The following SSX2IP variants were observed in gnomAD, a reference collection of about 807,000 sequenced individuals.
SSX2IP encodes SSX family member 2 interacting protein, also known as afadin- and alpha-actinin-binding protein.
Under a neutral mutation model 84.9 loss-of-function variants are expected in SSX2IP, and 55 were observed. That is an observed-to-expected ratio of 0.65 (90% CI 0.52 to 0.81). The LOEUF is 0.81. Among genes scored for constraint, SSX2IP ranks in the 30% least tolerant of loss-of-function variants. The pLI is 0.00. For synonymous variants in SSX2IP, 239 were observed against 234.7 expected, an observed-to-expected ratio of 1.02 and a Z score of -0.17; for missense variants, 664 against 705.2, an observed-to-expected ratio of 0.94 and a Z score of 0.66.
intron 1 of SSX2IP, among the ~76,000 whole-genome samples, chr1:84,673,559 T>C (rs1381057125): frequency 6.6e-6 from 1 of 152,188 alleles, no homozygotes; most frequent in Non-Finnish European, 1.5e-5. Context: ...AAGATTACTG[T>C]GGCTACTCTG....
intron 4 of SSX2IP, among the ~76,000 whole-genome samples, chr1:84,668,018 A>G: frequency 6.6e-6 from 1 of 152,170 alleles, no homozygotes; most frequent in South Asian, 2.1e-4. Context: ...GATTAATCAT[A>G]TGCTAGATCT....
At position 84,664,411 on chromosome 1, in the gene SSX2IP, G is replaced by A; in HGVS notation, c.673+6C>T. 1 of 1,570,824 alleles carries A rather than the reference G, an allele frequency of 6.4e-7. No individual in the cohort carries two copies. Among genetic ancestry groups the A allele is most frequent in the Non-Finnish European group, 8.6e-7 (1 of 1,165,564 alleles). On this transcript the variant is annotated splice_donor_region_variant and intron_variant, in intron 6 of 13. Transcript: ENST00000342203. ...TTCTCTTAGCTGATCTTTGCCAGCT[G>A]TTTACCTATTTTCTTATCTTTCTTG...
intron 5 of SSX2IP, among the ~76,000 whole-genome samples, chr1:84,665,823 G>T (rs1652704531): frequency 1.3e-5 from 2 of 152,176 alleles, no homozygotes; most frequent in African/African-American, 4.8e-5. Context: ...AAGCACTCTT[G>T]TGCCTAAGAA....
At chr1:84,667,627 G>A (rs1652950112) in intron 4 of SSX2IP, among the ~76,000 whole-genome samples, 1 of 152,068 alleles carries the variant, frequency 6.6e-6, no homozygotes, top group African/African-American at 2.4e-5. Context: ...ATCAGGAGAT[G>A]AGGCTCCAGC....
At chr1:84,689,045 T>TAA (rs1656204169) in intron 1 of SSX2IP, among the ~76,000 whole-genome samples, 1 of 152,210 alleles carries the variant, frequency 6.6e-6, no homozygotes, top group African/African-American at 2.4e-5. Flanking sequence ...CTTTCCTTAC[T>TAA]TGTTTAGTGT....
Position 84,662,769 on chromosome 1 carries a change from C to T in SSX2IP, c.674-239G>A, listed in dbSNP as rs74392042. On this transcript the variant is annotated intron_variant, in intron 6 of 13. Coordinates refer to ENST00000342203, the MANE Select transcript of SSX2IP (RefSeq NM_001166293.2). The stretch of plus-strand genomic sequence containing the variant: ...ACACTGGGAATAACAAAAGTATCTA[C>T]CAAAGAGTTGTTGAGAAGACAAAGA... Among the ~76,000 whole-genome samples the T allele has an allele frequency of 2.9e-3, 443 of 152,148 alleles. 3 individuals carry two copies. Among genetic ancestry groups the T allele is most frequent in the African/African-American group, 8.6e-3 (356 of 41,484 alleles).
chr1:84,674,135 T>C (rs1421915248), intron 1 of SSX2IP, among the ~76,000 whole-genome samples: 3 of 152,320 alleles, frequency 2.0e-5, no homozygotes, highest in Non-Finnish European at 4.4e-5. Flanking sequence ...TTAACCTCTC[T>C]GAGCCATACC....
At chr1:84,650,602 G>C (rs1650086399) in intron 12 of SSX2IP, 75 bp from the exon 13 acceptor site, 6 of 1,503,868 alleles carry the variant, frequency 4.0e-6, no homozygotes, top group Non-Finnish European at 5.5e-6. Context: ...AAATCATCAG[G>C]ATGATTCATC....
chr1:84,650,381 A>G lies in SSX2IP; in HGVS notation c.1651T>C (p.Ser551Pro). The G allele has an allele frequency of 1.2e-6, 2 of 1,614,242 alleles. No homozygotes were observed. Among genetic ancestry groups the G allele is most frequent in the Non-Finnish European group, 1.7e-6 (2 of 1,180,042 alleles). Reference sequence around the variant, plus strand: ...AAATACCTATGTTCAGATATGCAGGAACGTGTCTGGCAAAAGTCTGAAGTG... The same window carrying G: ...AAATACCTATGTTCAGATATGCAGGGACGTGTCTGGCAAAAGTCTGAAGTG... ...PSTSDFCQTR[S>P]CISEHSSINV... The change falls in exon 13 of 14, where the codon TCC becomes CCC. Residue 551 changes from serine to proline, a missense_variant. Transcript: ENST00000342203.
At chr1:84,686,191 A>T (rs952216516) in intron 1 of SSX2IP, among the ~76,000 whole-genome samples, 3 of 152,292 alleles carry the variant, frequency 2.0e-5, no homozygotes, top group Non-Finnish European at 4.4e-5. Context: ...AATTTTTAAA[A>T]TTTTTTTACA....
At chr1:84,685,724 A>C (rs943631055) in intron 1 of SSX2IP, among the ~76,000 whole-genome samples, 2 of 152,242 alleles carry the variant, frequency 1.3e-5, no homozygotes, top group Non-Finnish European at 2.9e-5. Flanking sequence ...CTATCGCCTC[A>C]TTATAAAACA....
chr1:84,666,730 G>A (rs1652826180), intron 4 of SSX2IP, among the ~76,000 whole-genome samples: 1 of 152,070 alleles, frequency 6.6e-6, no homozygotes, highest in African/African-American at 2.4e-5. Context: ...ACTTCTGTGT[G>A]ACACCACTTC....
At chr1:84,653,582 G>A (rs1306496563) in intron 11 of SSX2IP, among the ~76,000 whole-genome samples, 1 of 152,172 alleles carries the variant, frequency 6.6e-6, no homozygotes, top group Non-Finnish European at 1.5e-5. Context: ...GAGTAATGTG[G>A]GGAATAAGGG....
intron 4 of SSX2IP, among the ~76,000 whole-genome samples, chr1:84,668,938 T>C (rs918544291): frequency 3.3e-5 from 5 of 152,106 alleles, no homozygotes; most frequent in Non-Finnish European, 7.4e-5. Context: ...ATTGTATATT[T>C]AGGAAAAAAT....
At chr1:84,674,358 A>G (rs1416579288) in intron 1 of SSX2IP, among the ~76,000 whole-genome samples, 1 of 152,152 alleles carries the variant, frequency 6.6e-6, no homozygotes, top group Non-Finnish European at 1.5e-5. Context: ...CCTATAACAA[A>G]ATGTACCGCT....
chr1:84,665,068 A>G (rs538841812), intron 5 of SSX2IP, among the ~76,000 whole-genome samples: 1 of 152,294 alleles, frequency 6.6e-6, no homozygotes, highest in African/African-American at 2.4e-5. Context: ...CTGAGTATCT[A>G]CTAGGTGCCA....
chr1:84,675,520 TA>T (rs1435161137), intron 1 of SSX2IP, among the ~76,000 whole-genome samples: 1 of 152,162 alleles, frequency 6.6e-6, no homozygotes, highest in Non-Finnish European at 1.5e-5. Flanking sequence ...CTACAAAGAT[TA>T]AAAAGCTACA....
In SSX2IP at chr1:84,646,175, A is replaced by T. The variant is rs879098833; in HGVS notation, c.*1258T>A. On this transcript the variant is annotated 3_prime_UTR_variant, in exon 14 of 14. Coordinates refer to ENST00000342203, the MANE Select transcript of SSX2IP (RefSeq NM_001166293.2). ...AAGGGTTGGATCTGTGCAGGCTTCT[A>T]TGTACAGAGACAAGCAGGGTTAGGC... is the stretch of plus-strand genomic sequence containing the variant. 1.3e-5 allele frequency: 2 copies of T among 152,612 alleles called. No homozygotes were observed. Among genetic ancestry groups the T allele is most frequent in the South Asian group, 4.1e-4 (2 of 4,836 alleles). 9.5% of individuals were successfully genotyped at this position (152,612 alleles called of 1,614,324 possible). A position where few individuals can be genotyped will look rare whatever the true frequency, so the allele number is the denominator to read the frequency against.
At chr1:84,665,210 G>T (rs1237287862) in intron 5 of SSX2IP, among the ~76,000 whole-genome samples, 1 of 152,106 alleles carries the variant, frequency 6.6e-6, no homozygotes, top group Non-Finnish European at 1.5e-5. Context: ...CCCTACCGAA[G>T]ATGAGCTGTA....
Sources: allele counts gnomAD v4.1 joint callset (sites outside exome capture counted in the v4.1 genomes callset), GRCh38; gene constraint gnomAD v4.1.1; transcripts MANE v1.5; gene names NCBI Gene and HGNC (gene_info 2026-07-23, HGNC 2026-07-21).